The following LRRTM3 variants were observed in gnomAD, a reference collection of about 807,000 sequenced individuals.
The protein encoded by LRRTM3 is leucine rich repeat transmembrane neuronal 3.
Under a neutral mutation model 44.7 loss-of-function variants are expected in LRRTM3, and 24 were observed. The observed-to-expected ratio is 0.54, with a 90% CI of 0.39 to 0.76. The LOEUF (loss-of-function observed/expected upper bound fraction) is 0.76, where lower values mean the gene tolerates loss of function less well. Among genes scored for constraint, LRRTM3 ranks in the 30% least tolerant of loss-of-function variants. LRRTM3 has a pLI of 0.00. For missense variants in LRRTM3, 587 were observed against 702.2 expected (o/e 0.84, Z 1.85); for synonymous variants, 277 against 278.7 (o/e 0.99, Z 0.06).
At chr10:67,054,634 T>G (rs1855313302) in intron 2 of LRRTM3, 1 of 152,176 alleles carries the variant, frequency 6.6e-6, no homozygotes, top group Non-Finnish European at 1.5e-5. Context: ...TGATGCAGTA[T>G]TTCCAATGGC....
At chr10:67,039,856 C>T (rs1925632) in intron 2 of LRRTM3, among the ~76,000 whole-genome samples, 4 of 152,034 alleles carry the variant, frequency 2.6e-5, no homozygotes, top group Admixed American at 2.0e-4. Flanking sequence ...CTTCCAAGAC[C>T]GTTACAGATT....
rs563838509 is a variant in LRRTM3 at position 66,950,091 on chromosome 10, C to T, written c.1536+21639C>T. 7.2e-5 allele frequency among the ~76,000 whole-genome samples: 11 copies of T among 152,276 alleles called. No homozygotes were observed. The East Asian group carries it at 2.1e-3, about 29-fold the overall frequency. On this transcript the variant is annotated intron_variant, in intron 2 of 2. Coordinates refer to ENST00000361320, the MANE Select transcript of LRRTM3 (RefSeq NM_178011.5). ...ATGATTTACCACTCTTTGAACGTCT[C>T]CTTCAGGGTCTATCTCTAATTTGCT...
At chr10:67,063,786 G>A (rs1024028039) in intron 2 of LRRTM3, among the ~76,000 whole-genome samples, 13 of 152,200 alleles carry the variant, frequency 8.5e-5, no homozygotes, top group African/African-American at 3.1e-4. Flanking sequence ...ATTGAGAGGT[G>A]GCTTGGAGAA....
At chr10:66,945,588 A>G (rs1029014731) in intron 2 of LRRTM3, among the ~76,000 whole-genome samples, 7 of 152,194 alleles carry the variant, frequency 4.6e-5, no homozygotes, top group African/African-American at 1.7e-4. Flanking sequence ...TCACTGGAGT[A>G]GCACTTTTCA....
In LRRTM3 at chr10:66,934,046, G is replaced by A. The variant is rs185923251; in HGVS notation, c.1536+5594G>A. Among the ~76,000 whole-genome samples, 528 of 152,122 alleles carry A rather than the reference G, an allele frequency of 3.5e-3. 11 individuals are homozygous for A. Among genetic ancestry groups the A allele is most frequent in the Admixed American group, 0.027 (418 of 15,262 alleles). On this transcript the variant is annotated intron_variant, in intron 2 of 2. Coordinates refer to ENST00000361320, the MANE Select transcript of LRRTM3 (RefSeq NM_178011.5). The stretch of plus-strand genomic sequence containing the variant: ...CTCTTGAGTTAGGGATCCTGAACAC[G>A]TGAGGAAAATTCCAGGAACACAGAG...
At chr10:66,962,450 G>A (rs1300065300) in intron 2 of LRRTM3, among the ~76,000 whole-genome samples, 17 of 149,866 alleles carry the variant, frequency 1.1e-4, no homozygotes, top group South Asian at 4.2e-4. Context: ...TCACTCTGTC[G>A]CTAGGCTGGA....
intron 2 of LRRTM3, among the ~76,000 whole-genome samples, chr10:66,985,149 C>T (rs1850656550): frequency 6.6e-6 from 1 of 152,148 alleles, no homozygotes; most frequent in African/African-American, 2.4e-5. Context: ...TACTTCACCA[C>T]AAAGGTATTT....
intron 2 of LRRTM3, among the ~76,000 whole-genome samples, chr10:66,992,556 A>T (rs1286169586): frequency 6.6e-6 from 1 of 152,056 alleles, no homozygotes; most frequent in Non-Finnish European, 1.5e-5. Context: ...TAATGGCAAC[A>T]GAAATTTAAA....
chr10:66,964,212 C>G (rs1849277965), intron 2 of LRRTM3, among the ~76,000 whole-genome samples: 1 of 151,876 alleles, frequency 6.6e-6, no homozygotes, highest in South Asian at 2.1e-4. Context: ...CTTTGGGATT[C>G]AGCACAACAT....
intron 2 of LRRTM3, among the ~76,000 whole-genome samples, chr10:67,022,219 T>C (rs762400200): frequency 5.9e-5 from 9 of 151,940 alleles, no homozygotes; most frequent in African/African-American, 1.7e-4. Context: ...ATATAAAAGA[T>C]AGGAAATTCA....
rs185534475 is a variant in LRRTM3, at chr10:67,008,679, G to A, written c.1536+80227G>A. The stretch of plus-strand genomic sequence containing the variant: ...TCTTACAAGCTTGTTGGATTTAGAA[G>A]CCCCAGCTAGGATAGCACATCTCTG... On this transcript the variant is annotated intron_variant, in intron 2 of 2. Coordinates refer to ENST00000361320, the MANE Select transcript of LRRTM3 (RefSeq NM_178011.5). Among the ~76,000 whole-genome samples, 613 of 152,174 alleles carry A rather than the reference G, an allele frequency of 4.0e-3. 3 individuals carry two copies. Among genetic ancestry groups the A allele is most frequent in the South Asian group, 0.012 (60 of 4,816 alleles).
In LRRTM3 at chr10:67,057,735, G is replaced by A. The variant is rs552610062; in HGVS notation, c.1537-39852G>A. ...ATCACCATTTTACCACCACCACCAC[G>A]ATGAGCTTCTTCTTCACTCTCTCTC... On this transcript the variant is annotated intron_variant, in intron 2 of 2. Coordinates refer to ENST00000361320, the MANE Select transcript of LRRTM3 (RefSeq NM_178011.5). Among the ~76,000 whole-genome samples the A allele has an allele frequency of 4.3e-4, 66 of 152,162 alleles. 2 individuals are homozygous for A. In the South Asian group the frequency reaches 0.013, roughly 31 times the overall value.
In LRRTM3 at chr10:66,993,694, GAAAA is replaced by G. The variant is rs58941459; in HGVS notation, c.1536+65254_1536+65257del. 3.2e-4 allele frequency among the ~76,000 whole-genome samples: 45 copies of G among 142,208 alleles called. 1 individual carries two copies. The highest frequency in any genetic ancestry group is 9.9e-4 in the African/African-American group (39 of 39,208). The allele number at this position is 142,208 out of a possible 152,430, so 93.3% of individuals were successfully genotyped here. ...GCTCTTGCACTAATGATACATAAAT[GAAAA>G]AAAAAAAAAAACAGATAAAACCTCC... On this transcript the variant is annotated intron_variant, in intron 2 of 2. Coordinates refer to ENST00000361320, the MANE Select transcript of LRRTM3 (RefSeq NM_178011.5).
rs542622310 is a variant in LRRTM3, at chr10:67,045,381, T to A, written c.1537-52206T>A. 2.5e-4 allele frequency among the ~76,000 whole-genome samples: 38 copies of A among 152,252 alleles called. No individual in the cohort carries two copies. The South Asian group carries it at 3.9e-3, about 16-fold the overall frequency. On this transcript the variant is annotated intron_variant, in intron 2 of 2. Coordinates refer to ENST00000361320, the MANE Select transcript of LRRTM3 (RefSeq NM_178011.5). ...GAGGTCACCAAATACCTCCATTTTT[T>A]AAAAAAAATTTATTCATTTTATTTT...
intron 2 of LRRTM3, among the ~76,000 whole-genome samples, chr10:67,084,208 A>G (rs1857188884): frequency 6.6e-6 from 1 of 152,140 alleles, no homozygotes; most frequent in African/African-American, 2.4e-5. Flanking sequence ...TAAGCAATCT[A>G]TCCTCATATG....
At chr10:67,042,091 CTTT>C (rs1854430264) in intron 2 of LRRTM3, among the ~76,000 whole-genome samples, 1 of 152,082 alleles carries the variant, frequency 6.6e-6, no homozygotes, top group Non-Finnish European at 1.5e-5. Context: ...AGAATTTAGA[CTTT>C]TTAATAAACA....
At chr10:67,079,674 C>A (rs1053380498) in intron 2 of LRRTM3, among the ~76,000 whole-genome samples, 1 of 151,832 alleles carries the variant, frequency 6.6e-6, no homozygotes, top group Non-Finnish European at 1.5e-5. Context: ...ATAGTGAAAC[C>A]CCATCTCTAC....
chr10:66,961,469 T>C (rs1383617050), intron 2 of LRRTM3, among the ~76,000 whole-genome samples: 1 of 152,152 alleles, frequency 6.6e-6, no homozygotes, highest in African/African-American at 2.4e-5. Context: ...TCACTGGTGA[T>C]TTTCTTCCAA....
rs570435211 is a variant in LRRTM3, at chr10:66,958,549, T to C, written c.1536+30097T>C. On this transcript the variant is annotated intron_variant, in intron 2 of 2. Transcript: ENST00000361320. ...CAGCTGGGTTCAGAATTTGCATGTT[T>C]CCCAGGCAAAAGAATTCAATAAGTA... Among the ~76,000 whole-genome samples, 3 of 152,186 alleles carry C rather than the reference T, an allele frequency of 2.0e-5. No individual in the cohort carries two copies. In the South Asian group the frequency reaches 6.2e-4, roughly 32 times the overall value.
Sources: allele counts gnomAD v4.1 joint callset (sites outside exome capture counted in the v4.1 genomes callset), GRCh38; gene constraint gnomAD v4.1.1; transcripts MANE v1.5; gene names NCBI Gene and HGNC (gene_info 2026-07-23, HGNC 2026-07-21).